Variants in CALD1 observed in about 807,000 individuals in gnomAD.
CALD1 encodes the protein caldesmon.
CALD1 carries 33 observed loss-of-function variants against 99.9 expected under a neutral mutation model. That is an observed-to-expected ratio of 0.33 (90% CI 0.25 to 0.44). CALD1 has a LOEUF of 0.44. Among genes scored for constraint, CALD1 ranks in the 20% least tolerant of loss-of-function variants. CALD1 has a pLI of 1.00. For missense variants in CALD1, 861 were observed against 962.1 expected, an observed-to-expected ratio of 0.89 and a Z score of 1.39; for synonymous variants, 310 against 325.0, an observed-to-expected ratio of 0.95 and a Z score of 0.50.
chr7:134,831,482 C>G (rs2132075868), intron 1 of CALD1, among the ~76,000 whole-genome samples: 1 of 152,078 alleles, frequency 6.6e-6, no homozygotes, highest in Middle Eastern at 3.4e-3. Context: ...CAACGCCTGG[C>G]TAATTTTTTT....
chr7:134,711,692 G>A, the CALD1 span, among the ~76,000 whole-genome samples: 19,278 of 100,998 alleles, frequency 0.19, 1,781 homozygotes, highest in East Asian at 0.36. Flanking sequence ...GTGTGTGTGT[G>A]TGTGTGTGTG....
At chr7:134,867,569 T>C (rs1427121131) in intron 2 of CALD1, 124 bp from the exon 3 acceptor site, 3 of 456,096 alleles carry the variant, frequency 6.6e-6, no homozygotes, top group Non-Finnish European at 1.2e-5. Context: ...CTGGCTACCT[T>C]ATCAGCTTTC....
At chr7:134,739,003 T>C in the CALD1 span, among the ~76,000 whole-genome samples, 4 of 152,214 alleles carry the variant, frequency 2.6e-5, no homozygotes, top group Non-Finnish European at 4.4e-5. Flanking sequence ...GTTGTATCAA[T>C]CCACAACTTA....
intron 1 of CALD1, among the ~76,000 whole-genome samples, chr7:134,786,018 C>T (rs1797290444): frequency 6.6e-6 from 1 of 152,094 alleles, no homozygotes; most frequent in South Asian, 2.1e-4. Flanking sequence ...GAGGATGAAT[C>T]TAAGCTCAGA....
chr7:134,715,304 G>T, the CALD1 span, among the ~76,000 whole-genome samples: 2 of 152,076 alleles, frequency 1.3e-5, 1 homozygote, highest in South Asian at 4.1e-4. Flanking sequence ...ATATATTTTC[G>T]CTCTTGTGTA....
chr7:134,932,997 C>T lies in CALD1; in HGVS notation c.228C>T (p.Asp76=), dbSNP rs375796865. 33 of 1,604,838 alleles carry T rather than the reference C, an allele frequency of 2.1e-5. No individual in the cohort carries two copies. Among genetic ancestry groups the T allele is most frequent in the South Asian group, 1.3e-4 (12 of 90,184 alleles). ...VEVNAQNSVP[D]EEAKTTTTNT... ...TCTTTCTGTTGTACAGTGTGCCTGA[C>T]GAGGAGGCCAAGACAACCACCACAA... The change falls in exon 5 of 15, where the codon GAC becomes GAT. Residue 76 remains aspartate (D), a synonymous_variant. Transcript: ENST00000361675.
chr7:134,932,031 G>A (rs180858452), intron 4 of CALD1, among the ~76,000 whole-genome samples: 55 of 152,276 alleles, frequency 3.6e-4, no homozygotes, highest in African/African-American at 1.3e-3. Flanking sequence ...TCAATCCCTA[G>A]GGCTTGGTGC....
At chr7:134,733,846 T>C in the CALD1 span, among the ~76,000 whole-genome samples, 2 of 127,664 alleles carry the variant, frequency 1.6e-5, no homozygotes, top group Non-Finnish European at 3.4e-5. Flanking sequence ...ACAAAATAGG[T>C]CTGCTAAATG....
At chr7:134,727,819 G>A in the CALD1 span, among the ~76,000 whole-genome samples, 2 of 152,184 alleles carry the variant, frequency 1.3e-5, no homozygotes, top group South Asian at 2.1e-4. Flanking sequence ...AGGAGCATTA[G>A]CATGAATGAT....
chr7:134,807,310 A>G (rs1798179935), intron 1 of CALD1, among the ~76,000 whole-genome samples: 2 of 152,196 alleles, frequency 1.3e-5, no homozygotes, highest in Admixed American at 1.3e-4. Context: ...TGACTGGTTT[A>G]TTGAGGAGTC....
upstream of CALD1, among the ~76,000 whole-genome samples, chr7:134,775,643 G>A (rs1182384779): frequency 3.3e-5 from 5 of 151,964 alleles, no homozygotes; most frequent in South Asian, 1.0e-3. Flanking sequence ...CCCGGGAAGC[G>A]GAGCTTGCAG....
At chr7:134,916,961 C>T (rs539269295) in intron 3 of CALD1, among the ~76,000 whole-genome samples, 33 of 152,190 alleles carry the variant, frequency 2.2e-4, no homozygotes, top group African/African-American at 7.5e-4. Flanking sequence ...TCTTCAGATA[C>T]GAAAATAATG....
chr7:134,740,515 A>G (rs1361995348), upstream of CALD1, among the ~76,000 whole-genome samples: 1 of 152,182 alleles, frequency 6.6e-6, no homozygotes, highest in African/African-American at 2.4e-5. Context: ...GTTTGACCAA[A>G]AGCTTCATGT....
intron 3 of CALD1, among the ~76,000 whole-genome samples, chr7:134,922,234 A>G (rs1391151210): frequency 6.6e-6 from 1 of 152,192 alleles, no homozygotes; most frequent in Non-Finnish European, 1.5e-5. Flanking sequence ...GTTCTTTTTC[A>G]TTCTCTCTGA....
At chr7:134,713,833 C>T in the CALD1 span, among the ~76,000 whole-genome samples, 2 of 152,048 alleles carry the variant, frequency 1.3e-5, no homozygotes, top group African/African-American at 4.8e-5. Context: ...TCAGATGACT[C>T]CAAACTGCAG....
chr7:134,845,367 T>A (rs1341786629), intron 2 of CALD1, among the ~76,000 whole-genome samples: 2 of 152,148 alleles, frequency 1.3e-5, no homozygotes, highest in African/African-American at 2.4e-5. Flanking sequence ...CTCCAAATGA[T>A]GAGTATTAAA....
chr7:134,849,791 G>C (rs1189179831), intron 2 of CALD1, among the ~76,000 whole-genome samples: 1 of 152,152 alleles, frequency 6.6e-6, no homozygotes, highest in Non-Finnish European at 1.5e-5. Flanking sequence ...GAAGTCAGTA[G>C]AGTTTAAGCC....
At chr7:134,835,198 G>C (rs1457208240) in intron 1 of CALD1, among the ~76,000 whole-genome samples, 4 of 152,172 alleles carry the variant, frequency 2.6e-5, no homozygotes, top group Admixed American at 2.0e-4. Context: ...GCTTTTGGTT[G>C]CAAGGGTAGG....
intron 3 of CALD1, among the ~76,000 whole-genome samples, chr7:134,923,429 G>A (rs1586317409): frequency 6.6e-6 from 1 of 152,168 alleles, no homozygotes; most frequent in African/African-American, 2.4e-5. Flanking sequence ...AGATGATTCA[G>A]ATAAACTTCA....
Sources: gnomAD v4.1 joint callset for allele counts (sites outside exome capture counted in the v4.1 genomes callset) on GRCh38, gnomAD v4.1.1 for gene constraint, MANE v1.5 for transcripts, NCBI Gene and HGNC (gene_info 2026-07-23, HGNC 2026-07-21) for gene names.